Variants in BRAF observed in about 807,000 individuals in gnomAD.
The protein encoded by BRAF is B-Raf proto-oncogene, serine/threonine kinase.
BRAF carries 16 observed loss-of-function variants against 104.6 expected under a neutral mutation model. That is an observed-to-expected ratio of 0.15 (90% CI 0.10 to 0.23). The LOEUF (loss-of-function observed/expected upper bound fraction) is 0.23. BRAF is among the 10% of genes least tolerant of loss of function. BRAF has a pLI of 1.00. For synonymous variants in BRAF, 310 were observed against 341.6 expected, an observed-to-expected ratio of 0.91 and a Z score of 1.02; for missense variants, 541 against 937.3, an observed-to-expected ratio of 0.58 and a Z score of 5.52.
chr7:140,775,992 T>C (rs1417158647), intron 14 of BRAF, among the ~76,000 whole-genome samples: 1 of 152,142 alleles, frequency 6.6e-6, no homozygotes, highest in Non-Finnish European at 1.5e-5. Context: ...AATGTAAAAG[T>C]AGCATAGTGG....
chr7:140,864,779 G>A (rs973468571), intron 1 of BRAF, among the ~76,000 whole-genome samples: 26 of 152,294 alleles, frequency 1.7e-4, no homozygotes, highest in African/African-American at 5.8e-4. Flanking sequence ...TATTGGGGCT[G>A]GGAGATAATA....
chr7:140,906,530 G>A (rs1361941246), intron 1 of BRAF, among the ~76,000 whole-genome samples: 2 of 152,134 alleles, frequency 1.3e-5, no homozygotes, highest in East Asian at 1.9e-4. Flanking sequence ...TACAGTCAAC[G>A]TTTCTTTTAA....
In BRAF at chr7:140,783,096, C is replaced by A; in HGVS notation, c.1359G>T (p.Val453=). Residue 453 remains valine, a synonymous_variant, in exon 11 of 20, where the codon GTG becomes GTT. Coordinates refer to ENST00000644969, the MANE Select transcript of BRAF (RefSeq NM_001374258.1). ...PASLPGSLTN[V]KALQKSPGPQ... ...GTCCTGGAGATTTCTGTAAGGCTTT[C>A]ACGTTAGTTAGTGAGCCAGGTAATG... 1 of 1,614,000 alleles carries A rather than the reference C, an allele frequency of 6.2e-7. No homozygotes were observed. Among genetic ancestry groups the A allele is most frequent in the Non-Finnish European group, 8.5e-7 (1 of 1,179,998 alleles).
chr7:140,800,204 T>C (rs1802940362), intron 7 of BRAF, 158 bp downstream of exon 7: 4 of 1,159,986 alleles, frequency 3.4e-6, no homozygotes, highest in Non-Finnish European at 5.0e-6. Flanking sequence ...TTTATTTGTA[T>C]CAAATGCATG....
At chr7:140,748,019 A>G (rs899249680) in intron 17 of BRAF, among the ~76,000 whole-genome samples, 1 of 152,240 alleles carries the variant, frequency 6.6e-6, no homozygotes, top group South Asian at 2.1e-4. Flanking sequence ...ACTAAAATTT[A>G]GTTTTATAAT....
intron 16 of BRAF, among the ~76,000 whole-genome samples, 167 bp downstream of exon 15, chr7:140,753,108 A>ATAC (rs1197682823): frequency 1.3e-5 from 2 of 152,224 alleles, no homozygotes; most frequent in Non-Finnish European, 2.9e-5. Context: ...TTAAGGGTAA[A>ATAC]GAAAAAAGTT....
At chr7:140,914,490 C>T (rs1022508838) in intron 1 of BRAF, among the ~76,000 whole-genome samples, 7 of 152,108 alleles carry the variant, frequency 4.6e-5, no homozygotes, top group African/African-American at 1.4e-4. Flanking sequence ...ATATAAAGAC[C>T]ACTCTGAATC....
chr7:140,812,154 G>A (rs914084159), intron 3 of BRAF, among the ~76,000 whole-genome samples: 2 of 148,724 alleles, frequency 1.3e-5, no homozygotes, highest in African/African-American at 5.1e-5. Context: ...GCATGTGCAT[G>A]CACACCTGTG....
intron 1 of BRAF, among the ~76,000 whole-genome samples, chr7:140,885,037 T>G (rs1813399143): frequency 6.6e-6 from 1 of 152,182 alleles, no homozygotes; most frequent in Admixed American, 6.5e-5. Flanking sequence ...GTCTTGCTCT[T>G]GTCGCCCAGG....
At chr7:140,765,669 C>T (rs1162933230) in intron 14 of BRAF, among the ~76,000 whole-genome samples, 1 of 152,066 alleles carries the variant, frequency 6.6e-6, no homozygotes, top group African/African-American at 2.4e-5. Context: ...CAAAAGAAGA[C>T]ATTTATGCAG....
chr7:140,816,091 T>A (rs778279010), intron 3 of BRAF, among the ~76,000 whole-genome samples: 3 of 152,232 alleles, frequency 2.0e-5, no homozygotes, highest in Non-Finnish European at 4.4e-5. Flanking sequence ...CAAGAATGTC[T>A]TGGATTCCAT....
At chr7:140,861,485 C>T (rs959823397) in intron 1 of BRAF, among the ~76,000 whole-genome samples, 12 of 152,104 alleles carry the variant, frequency 7.9e-5, no homozygotes, top group South Asian at 2.1e-4. Flanking sequence ...TGCAAAGGAT[C>T]GCGTGGGTCT....
chr7:140,849,807 G>A (rs947562415), intron 2 of BRAF, among the ~76,000 whole-genome samples: 12 of 150,754 alleles, frequency 8.0e-5, no homozygotes, highest in Non-Finnish European at 1.5e-4. Flanking sequence ...GCGAGACTCC[G>A]TCTCAAAAAA....
At chr7:140,755,908 T>C (rs903713123) in intron 14 of BRAF, among the ~76,000 whole-genome samples, 10 of 151,908 alleles carry the variant, frequency 6.6e-5, no homozygotes, top group Non-Finnish European at 1.3e-4. Flanking sequence ...GGAGGTTCTT[T>C]TTCCTGCAAG....
At chr7:140,867,855 C>T (rs1367722930) in intron 1 of BRAF, among the ~76,000 whole-genome samples, 1 of 152,184 alleles carries the variant, frequency 6.6e-6, no homozygotes, top group Non-Finnish European at 1.5e-5. Flanking sequence ...CGTAACTCTG[C>T]AATCCCCTTT....
intron 17 of BRAF, among the ~76,000 whole-genome samples, chr7:140,745,074 A>T (rs900238961): frequency 9.9e-5 from 15 of 152,158 alleles, no homozygotes; most frequent in South Asian, 4.1e-4. Context: ...GGAACCATGT[A>T]AAACTTCCAG....
In BRAF at chr7:140,726,080, A is replaced by T. The variant is rs1795582400; in HGVS notation, c.*414T>A. The stretch of plus-strand genomic sequence containing the variant: ...GAAAGAGAACGATGCTTGGTGATTG[A>T]AACTGCCCCATCAGATGATCAGCCA... On this transcript the variant is annotated 3_prime_UTR_variant, in exon 20 of 20. Transcript: ENST00000644969. The T allele has an allele frequency of 9.2e-7, 1 of 1,084,630 alleles. No homozygotes were observed. Among genetic ancestry groups the T allele is most frequent in the Non-Finnish European group, 1.1e-6 (1 of 892,216 alleles). 67.2% of individuals were successfully genotyped at this position (1,084,630 alleles called of 1,614,324 possible). A position where few individuals can be genotyped will look rare whatever the true frequency, so the allele number is the denominator to read the frequency against.
chr7:140,892,237 G>C (rs2109307), intron 1 of BRAF, among the ~76,000 whole-genome samples: 45,737 of 151,806 alleles, frequency 0.3, 10,950 homozygotes, highest in African/African-American at 0.67. Flanking sequence ...GCCTGGGTGA[G>C]AGAGCGAGAA....
chr7:140,787,256 G>A (rs547197591), intron 9 of BRAF, among the ~76,000 whole-genome samples: 32 of 140,280 alleles, frequency 2.3e-4, no homozygotes, highest in Admixed American at 2.3e-3. Context: ...AGCCGAGATC[G>A]CGCCACTGCA....
Sources: allele counts gnomAD v4.1 joint callset (sites outside exome capture counted in the v4.1 genomes callset), GRCh38; gene constraint gnomAD v4.1.1; transcripts MANE v1.5; gene names NCBI Gene and HGNC (gene_info 2026-07-23, HGNC 2026-07-21).